SNTG2: variants seen among roughly 807,000 people sequenced by gnomAD.
The protein encoded by SNTG2 is gamma-2-syntrophin.
A neutral mutation model predicts 70.9 loss-of-function variants in SNTG2; 74 were observed. The observed-to-expected ratio is 1.04, with a 90% confidence interval of 0.86 to 1.27. SNTG2 has a LOEUF of 1.27. Among genes scored for constraint, SNTG2 ranks in the 50% most tolerant of loss-of-function variants. The probability of loss-of-function intolerance (pLI) is 0.00; values close to 1 mark genes in which losing one functional copy is unlikely to be tolerated. For missense variants in SNTG2, 717 were observed against 690.7 expected, an observed-to-expected ratio of 1.04 and a Z score of -0.43; for synonymous variants, 278 against 273.8, an observed-to-expected ratio of 1.02 and a Z score of -0.15.
chr2:981,549 GCA>G (rs1217955254), intron 1 of SNTG2, among the ~76,000 whole-genome samples: 4 of 152,124 alleles, frequency 2.6e-5, no homozygotes, highest in Middle Eastern at 3.4e-3. Context: ...GCACACACAT[GCA>G]CACACACATG....
intron 8 of SNTG2, among the ~76,000 whole-genome samples, chr2:1,203,768 T>A (rs1673456029): frequency 6.6e-6 from 1 of 151,692 alleles, no homozygotes; most frequent in South Asian, 2.1e-4. Flanking sequence ...TGAATGTAGA[T>A]GCAGAAATTC....
chr2:1,270,887 T>C (rs1678984894), intron 14 of SNTG2, among the ~76,000 whole-genome samples: 1 of 152,244 alleles, frequency 6.6e-6, no homozygotes, highest in Admixed American at 6.5e-5. Context: ...CTTTACTAAT[T>C]GTAACACTTT....
chr2:1,111,501 G>T (rs1666438804), intron 4 of SNTG2, among the ~76,000 whole-genome samples: 1 of 152,178 alleles, frequency 6.6e-6, no homozygotes. Flanking sequence ...AATCCTTCGG[G>T]CCCCAAAGAT....
intron 14 of SNTG2, among the ~76,000 whole-genome samples, chr2:1,292,635 T>A (rs900150111): frequency 3.9e-5 from 6 of 152,230 alleles, no homozygotes; most frequent in Non-Finnish European, 8.8e-5. Flanking sequence ...TTTGTTCACA[T>A]GGCATGTTGC....
At chr2:1,207,179 A>T (rs1238317400) in intron 8 of SNTG2, among the ~76,000 whole-genome samples, 5 of 152,248 alleles carry the variant, frequency 3.3e-5, no homozygotes, top group African/African-American at 1.2e-4. Flanking sequence ...TGAAATACAC[A>T]TCAGGTGATC....
intron 1 of SNTG2, among the ~76,000 whole-genome samples, chr2:1,043,246 A>T (rs561837536): frequency 6.6e-6 from 1 of 151,894 alleles, no homozygotes; most frequent in South Asian, 2.1e-4. Context: ...GATTTGTTGA[A>T]GTTTCCTATA....
intron 1 of SNTG2, among the ~76,000 whole-genome samples, chr2:1,031,363 T>C (rs1158927306): frequency 1.3e-5 from 2 of 151,606 alleles, no homozygotes; most frequent in African/African-American, 4.9e-5. Context: ...CCTCAGAGTG[T>C]CAGATGGGCA....
intron 14 of SNTG2, among the ~76,000 whole-genome samples, chr2:1,273,890 T>C (rs1041829342): frequency 2.6e-5 from 4 of 152,086 alleles, no homozygotes; most frequent in Non-Finnish European, 4.4e-5. Flanking sequence ...GGAGAAAATA[T>C]TTGCAAGGCA....
At position 1,144,200 on chromosome 2, in the gene SNTG2, C is replaced by CTGG. The variant is rs1401105077; in HGVS notation, c.411+6391_411+6392insTGG. Reference sequence around the variant, plus strand: ...GGAAAGGATCTGGAGAAACATAGAACCTGGTTTCTCTTTCTGCTTTGAGAA... The same window carrying CTGG: ...GGAAAGGATCTGGAGAAACATAGAACTGGCTGGTTTCTCTTTCTGCTTTGAGAA... On this transcript the variant is annotated intron_variant, in intron 6 of 16. Transcript: ENST00000308624. Among the ~76,000 whole-genome samples, 3 of 152,084 alleles carry CTGG rather than the reference C, an allele frequency of 2.0e-5. No homozygotes were observed. The East Asian group carries it at 5.8e-4, about 29-fold the overall frequency.
At chr2:961,472 G>A (rs1247981100) in intron 1 of SNTG2, among the ~76,000 whole-genome samples, 3 of 152,146 alleles carry the variant, frequency 2.0e-5, no homozygotes, top group African/African-American at 7.2e-5. Flanking sequence ...ACAGCTGCTG[G>A]GAGTTAACAC....
rs139556005 is a variant in SNTG2, at chr2:1,252,551, T to C, written c.1005+5108T>C. On this transcript the variant is annotated intron_variant, in intron 12 of 16. Transcript: ENST00000308624. ...GGTTTCCATGGACCTGGGAGCTGCC[T>C]GTGCTGGGCTCCTGCTGCCTGCACC... Among the ~76,000 whole-genome samples, 6 of 152,346 alleles carry C rather than the reference T, an allele frequency of 3.9e-5. No homozygotes were observed. The East Asian group carries it at 1.2e-3, about 29-fold the overall frequency.
Position 1,173,152 on chromosome 2 carries a change from G to C in SNTG2, c.560G>C (p.Gly187Ala). Reference protein sequence around the residue: ...SGASSPLFDSGLHLNGNSSTT... With the variant: ...SGASSPLFDSALHLNGNSSTT... ...GCCTCCTCTCCCCTCTTTGACAGCG[G>C]TTTGCATCTGAACGGAAACTCCAGT... Residue 187 changes from glycine (G) to alanine (A), a missense_variant, in exon 8 of 17, where the codon GGT (glycine) becomes GCT (alanine). Coordinates refer to ENST00000308624, the MANE Select transcript of SNTG2 (RefSeq NM_018968.4). 6.2e-7 allele frequency: 1 copy of C among 1,613,968 alleles called. No homozygotes were observed. The highest frequency in any genetic ancestry group is 8.5e-7 in the Non-Finnish European group (1 of 1,179,896).
intron 12 of SNTG2, among the ~76,000 whole-genome samples, chr2:1,257,455 C>T (rs1236356921): frequency 5.9e-5 from 9 of 152,108 alleles, no homozygotes; most frequent in Non-Finnish European, 1.2e-4. Context: ...AGGACTACGG[C>T]AAAACCAGCA....
chr2:996,517 G>A (rs1384274161), intron 1 of SNTG2, among the ~76,000 whole-genome samples: 1 of 151,948 alleles, frequency 6.6e-6, no homozygotes, highest in Non-Finnish European at 1.5e-5. Flanking sequence ...ATGTAGATAT[G>A]CTTATGCTGC....
At chr2:977,997 T>G (rs1271876744) in intron 1 of SNTG2, among the ~76,000 whole-genome samples, 2 of 152,242 alleles carry the variant, frequency 1.3e-5, no homozygotes, top group African/African-American at 4.8e-5. Flanking sequence ...TTCATGAAGG[T>G]TATCAAAATC....
chr2:1,024,369 CA>C (rs1319375182), intron 1 of SNTG2, among the ~76,000 whole-genome samples: 1 of 152,056 alleles, frequency 6.6e-6, no homozygotes, highest in African/African-American at 2.4e-5. Context: ...CTGATAAAAA[CA>C]TGAAGACTAA....
chr2:1,043,215 GGTT>G (rs1661540224), intron 1 of SNTG2, among the ~76,000 whole-genome samples: 1 of 151,828 alleles, frequency 6.6e-6, no homozygotes, highest in Admixed American at 6.6e-5. Flanking sequence ...TTTAAAATGG[GGTT>G]GTTTGTTTCT....
intron 13 of SNTG2, 113 bp downstream of exon 13, chr2:1,259,554 T>G: frequency 1.1e-6 from 1 of 878,064 alleles, no homozygotes; most frequent in Non-Finnish European, 1.8e-6. Flanking sequence ...AAATTTGAAA[T>G]AGTAAAATAA....
intron 8 of SNTG2, among the ~76,000 whole-genome samples, chr2:1,179,362 G>A (rs1572658223): frequency 6.6e-6 from 1 of 152,062 alleles, no homozygotes; most frequent in Admixed American, 6.6e-5. Context: ...AGCAACTTCA[G>A]CAAAGTCTCA....
Sources: allele counts gnomAD v4.1 joint callset (sites outside exome capture counted in the v4.1 genomes callset), GRCh38; gene constraint gnomAD v4.1.1; transcripts MANE v1.5; gene names NCBI Gene and HGNC (gene_info 2026-07-23, HGNC 2026-07-21).